The following ADAMTS16 variants were observed in gnomAD, a reference collection of about 807,000 sequenced individuals.
ADAMTS16 encodes A disintegrin and metalloproteinase with thrombospondin motifs 16.
In ADAMTS16, 94 loss-of-function variants were observed where a neutral mutation model predicts 145.8. The observed-to-expected ratio is 0.64, with a 90% CI of 0.55 to 0.77. The LOEUF is 0.77. Among genes scored for constraint, ADAMTS16 ranks in the 30% least tolerant of loss-of-function variants. The pLI is 0.00. For synonymous variants in ADAMTS16, 659 were observed against 604.3 expected, an observed-to-expected ratio of 1.09 and a Z score of -1.33; for missense variants, 1,585 against 1,591.5, an observed-to-expected ratio of 1.00 and a Z score of 0.07.
intron 3 of ADAMTS16, among the ~76,000 whole-genome samples, chr5:5,164,908 C>G (rs1260157261): frequency 6.6e-6 from 1 of 152,130 alleles, no homozygotes; most frequent in East Asian, 1.9e-4. Flanking sequence ...GATCTCCTGA[C>G]CTCATGACCC....
Position 5,319,579 on chromosome 5 carries a change from C to T in ADAMTS16, c.*441C>T, listed in dbSNP as rs1432550005. 1.0e-5 allele frequency: 3 copies of T among 296,358 alleles called. No homozygotes were observed. Among genetic ancestry groups the T allele is most frequent in the Non-Finnish European group, 2.0e-5 (3 of 153,736 alleles). The allele number at this position is 296,358 out of a possible 1,614,324, so 18.4% of individuals were successfully genotyped here. A position where few individuals can be genotyped will look rare whatever the true frequency, so the allele number is the denominator to read the frequency against. On this transcript the variant is annotated 3_prime_UTR_variant, in exon 23 of 23. Coordinates refer to ENST00000274181, the MANE Select transcript of ADAMTS16 (RefSeq NM_139056.4). ...CCCCTAGTTCACCAGCCTCCCCTCC[C>T]ACTAGGAGGGCCCCTCGAGCCATCA...
chr5:5,184,179 C>A (rs1157491133), intron 4 of ADAMTS16, among the ~76,000 whole-genome samples: 1 of 152,070 alleles, frequency 6.6e-6, no homozygotes, highest in African/African-American at 2.4e-5. Flanking sequence ...CATGGACGCA[C>A]CCCCAGGTCC....
intron 3 of ADAMTS16, among the ~76,000 whole-genome samples, chr5:5,167,384 T>C (rs1734911635): frequency 1.3e-5 from 2 of 152,234 alleles, no homozygotes; most frequent in East Asian, 1.9e-4. Context: ...GGGTATCTTA[T>C]GTCCCAGGAA....
At chr5:5,179,478 A>T (rs1278698674) in intron 3 of ADAMTS16, among the ~76,000 whole-genome samples, 1 of 152,228 alleles carries the variant, frequency 6.6e-6, no homozygotes, top group Non-Finnish European at 1.5e-5. Flanking sequence ...CTAATTGGGT[A>T]GCGTTATACA....
rs140068164 is a variant in ADAMTS16 at position 5,254,479 on chromosome 5, G to T, written c.2663-8178G>T. 3.7e-3 allele frequency among the ~76,000 whole-genome samples: 565 copies of T among 151,994 alleles called. 5 individuals are homozygous for T. Among genetic ancestry groups the T allele is most frequent in the Middle Eastern group, 6.9e-3 (2 of 288 alleles). On this transcript the variant is annotated intron_variant, in intron 17 of 22. Coordinates refer to ENST00000274181, the MANE Select transcript of ADAMTS16 (RefSeq NM_139056.4). ...CTTCTAGGTTTAAATAAACATACAA[G>T]TACCTATATTTATATATGTAGATAC...
At chr5:5,234,055 C>T (rs1737019404) in intron 12 of ADAMTS16, among the ~76,000 whole-genome samples, 1 of 152,200 alleles carries the variant, frequency 6.6e-6, no homozygotes, top group South Asian at 2.1e-4. Flanking sequence ...TTTTTCACAT[C>T]TCCCTTTGCC....
Position 5,186,222 on chromosome 5 carries a change from A to AC in ADAMTS16, c.936dup (p.Thr313HisfsTer36), listed in dbSNP as rs755097436. Reference sequence around the variant, plus strand: ...GCAAAACCATGGCCATGAAAATATCACCACCTACGTGCTCACGATACTCAA... The same window carrying AC: ...GCAAAACCATGGCCATGAAAATATCACCCACCTACGTGCTCACGATACTCAA... On this transcript the variant is annotated frameshift_variant, in exon 5 of 23. Transcript: ENST00000274181. LOFTEE classifies it high-confidence loss of function. 6.2e-7 allele frequency: 1 copy of AC among 1,613,546 alleles called. No homozygotes were observed. The highest frequency in any genetic ancestry group is 8.5e-7 in the Non-Finnish European group (1 of 1,180,002).
intron 3 of ADAMTS16, among the ~76,000 whole-genome samples, chr5:5,168,477 T>C (rs1054652387): frequency 1.2e-4 from 17 of 144,934 alleles, no homozygotes; most frequent in African/African-American, 4.0e-4. Flanking sequence ...TTCTTTACTT[T>C]TAATTAAAAA....
intron 18 of ADAMTS16, among the ~76,000 whole-genome samples, chr5:5,283,703 A>G (rs1010159393): frequency 6.6e-6 from 1 of 152,208 alleles, no homozygotes; most frequent in African/African-American, 2.4e-5. Context: ...TGTTAGCTCC[A>G]TCAGTGAAGA....
At chr5:5,155,873 A>G (rs951470267) in intron 3 of ADAMTS16, among the ~76,000 whole-genome samples, 8 of 152,044 alleles carry the variant, frequency 5.3e-5, no homozygotes, top group Non-Finnish European at 1.0e-4. Context: ...GGGAGCCAAC[A>G]GAAAGTCCAC....
chr5:5,245,366 C>T (rs1737409598), intron 17 of ADAMTS16, among the ~76,000 whole-genome samples: 1 of 152,096 alleles, frequency 6.6e-6, no homozygotes. Context: ...ATTAACTTTG[C>T]CAATGAGCAA....
intron 18 of ADAMTS16, among the ~76,000 whole-genome samples, chr5:5,265,497 T>C (rs1738206145): frequency 6.6e-6 from 1 of 152,154 alleles, no homozygotes; most frequent in South Asian, 2.1e-4. Flanking sequence ...AGGGGTCCTA[T>C]CTGCAGGTGT....
intron 3 of ADAMTS16, among the ~76,000 whole-genome samples, chr5:5,159,559 G>A (rs551876157): frequency 6.6e-6 from 1 of 152,254 alleles, no homozygotes; most frequent in African/African-American, 2.4e-5. Flanking sequence ...CAGAAAATCA[G>A]TGCACATTTT....
chr5:5,263,674 C>A (rs1738120407), intron 18 of ADAMTS16, among the ~76,000 whole-genome samples: 1 of 152,216 alleles, frequency 6.6e-6, no homozygotes, highest in Admixed American at 6.5e-5. Flanking sequence ...GGCACCCAGG[C>A]AAGGGTGCCC....
At chr5:5,172,244 A>G (rs943508627) in intron 3 of ADAMTS16, among the ~76,000 whole-genome samples, 3 of 151,458 alleles carry the variant, frequency 2.0e-5, no homozygotes, top group African/African-American at 7.3e-5. Flanking sequence ...TTTTACTTTC[A>G]TCTATTTTGG....
At chr5:5,228,363 A>C (rs928831895) in intron 11 of ADAMTS16, among the ~76,000 whole-genome samples, 1 of 152,236 alleles carries the variant, frequency 6.6e-6, no homozygotes, top group Admixed American at 6.5e-5. Flanking sequence ...GGAAGTACTA[A>C]CTGTGCTTAT....
chr5:5,186,020 C>T (rs1315189503), intron 4 of ADAMTS16, 32 bp from the exon 5 acceptor site: 1 of 1,579,652 alleles, frequency 6.3e-7, no homozygotes, highest in South Asian at 1.1e-5. Context: ...GTGACTTGTG[C>T]TTCCATTTGC....
chr5:5,147,657 C>T (rs574303397), intron 3 of ADAMTS16, among the ~76,000 whole-genome samples: 1 of 152,260 alleles, frequency 6.6e-6, no homozygotes, highest in African/African-American at 2.4e-5. Flanking sequence ...AGCATGAAGA[C>T]AATGGGGCTG....
chr5:5,185,113 T>C (rs1397291547), intron 4 of ADAMTS16, among the ~76,000 whole-genome samples: 1 of 152,186 alleles, frequency 6.6e-6, no homozygotes, highest in Non-Finnish European at 1.5e-5. Flanking sequence ...TAAACATTAA[T>C]GGCAAATGAG....
Sources: gnomAD v4.1 joint callset for allele counts (sites outside exome capture counted in the v4.1 genomes callset) on GRCh38, gnomAD v4.1.1 for gene constraint, MANE v1.5 for transcripts, NCBI Gene and HGNC (gene_info 2026-07-23, HGNC 2026-07-21) for gene names.